Variants in RAB31 observed in about 807,000 individuals in gnomAD.
RAB31 encodes RAB31, member RAS oncogene family, also known as ras-related protein Rab-31.
A neutral mutation model predicts 25.6 loss-of-function variants in RAB31; 21 were observed. The ratio of observed to expected loss-of-function variants is 0.82; its 90% CI spans 0.58 to 1.18. The LOEUF (loss-of-function observed/expected upper bound fraction) is 1.18, where lower values mean the gene tolerates loss of function less well. RAB31 is among the 50% of genes most tolerant of loss of function. The pLI is 0.00. For synonymous variants in RAB31, 87 were observed against 84.0 expected (o/e 1.04, Z -0.20); for missense variants, 196 against 250.1 (o/e 0.78, Z 1.46).
At chr18:9,731,037 T>G (rs1267580312) in intron 1 of RAB31, among the ~76,000 whole-genome samples, 3 of 152,220 alleles carry the variant, frequency 2.0e-5, no homozygotes, top group Admixed American at 6.5e-5. Flanking sequence ...GGTGAGTGAA[T>G]GCTCTTTCTC....
chr18:9,750,921 C>T (rs1188598998), intron 1 of RAB31, among the ~76,000 whole-genome samples: 3 of 152,166 alleles, frequency 2.0e-5, no homozygotes, highest in African/African-American at 4.8e-5. Context: ...AGGGTCAAAA[C>T]GTGAACAGAC....
intron 1 of RAB31, among the ~76,000 whole-genome samples, chr18:9,719,894 T>G (rs2068065836): frequency 6.6e-6 from 1 of 152,056 alleles, no homozygotes; most frequent in Non-Finnish European, 1.5e-5. Flanking sequence ...CTTCCCGCCG[T>G]GCCACAGCAG....
rs913065230 is a variant in RAB31 at position 9,845,652 on chromosome 18, A to G, written c.451A>G (p.Lys151Glu). 3 of 1,567,538 alleles carry G rather than the reference A, an allele frequency of 1.9e-6. No homozygotes were observed. The highest frequency in any genetic ancestry group is 1.3e-5 in the African/African-American group (1 of 74,110). The change falls in exon 6 of 7, where the codon AAA becomes GAA. Residue 151 changes from lysine to glutamate, a missense_variant. By Grantham distance (56) the Lys-to-Glu change is moderately conservative. Coordinates refer to ENST00000578921, the MANE Select transcript of RAB31 (RefSeq NM_006868.4). ...TGCCATCGTGGTTGAGACAAGTGCA[A>G]AAAATGCTATTAATATCGAAGAGCT... Reference protein sequence around the residue: ...IGAIVVETSAKNAINIEELFQ... With the variant: ...IGAIVVETSAENAINIEELFQ...
chr18:9,716,045 G>A (rs1028000627), intron 1 of RAB31, among the ~76,000 whole-genome samples: 2 of 152,134 alleles, frequency 1.3e-5, no homozygotes, highest in Admixed American at 1.3e-4. Context: ...GATGTTTCCA[G>A]TTGCCCCCAA....
intron 3 of RAB31, among the ~76,000 whole-genome samples, chr18:9,808,453 G>A (rs1232666012): frequency 3.9e-5 from 6 of 152,164 alleles, no homozygotes; most frequent in Admixed American, 2.0e-4. Context: ...ATATTAACTA[G>A]GCCTCTGCTT....
intron 1 of RAB31, among the ~76,000 whole-genome samples, chr18:9,751,066 G>T (rs955587772): frequency 6.6e-6 from 1 of 151,874 alleles, no homozygotes; most frequent in Non-Finnish European, 1.5e-5. Flanking sequence ...ACAGAGTCTC[G>T]CATGGTCACC....
Position 9,814,091 on chromosome 18 carries a change from G to T in RAB31, c.273G>T (p.Gln91His). 1 of 1,566,284 alleles carries T rather than the reference G, an allele frequency of 6.4e-7. No homozygotes were observed. Among genetic ancestry groups the T allele is most frequent in the East Asian group, 2.3e-5 (1 of 44,178 alleles). ...AAVIVYDITK[Q>H]DSFYTLKKWV... ...TTATCGTGTATGATATTACCAAGCA[G>T]GTAAGAATGTCTCCTTCAGAATTTA... Residue 91 changes from glutamine (Q) to histidine (H), a missense_variant and splice_region_variant, in exon 4 of 7, where the codon CAG (glutamine) becomes CAT (histidine). Physicochemically the swap from Gln to His is conservative, Grantham distance 24 (BLOSUM62 0). Coordinates refer to ENST00000578921, the MANE Select transcript of RAB31 (RefSeq NM_006868.4).
At chr18:9,820,948 C>G (rs575146386) in intron 5 of RAB31, among the ~76,000 whole-genome samples, 1 of 151,956 alleles carries the variant, frequency 6.6e-6, no homozygotes, top group South Asian at 2.1e-4. Context: ...CTTTGTTCCT[C>G]TTTTTCTGGT....
chr18:9,792,935 T>C (rs1156744243), intron 3 of RAB31, among the ~76,000 whole-genome samples: 1 of 152,224 alleles, frequency 6.6e-6, no homozygotes, highest in Non-Finnish European at 1.5e-5. Flanking sequence ...TGACTTCTCT[T>C]TTACTCCTAA....
At chr18:9,859,018 T>C (rs1361130369) in intron 6 of RAB31, among the ~76,000 whole-genome samples, 2 of 151,764 alleles carry the variant, frequency 1.3e-5, no homozygotes, top group African/African-American at 2.4e-5. Context: ...CCTAAGCCCA[T>C]GAATTGGGCT....
intron 5 of RAB31, among the ~76,000 whole-genome samples, chr18:9,831,629 C>T (rs1462345835): frequency 6.6e-6 from 1 of 152,220 alleles, no homozygotes; most frequent in Non-Finnish European, 1.5e-5. Context: ...GTGGGCACGG[C>T]GCTGTGGCAT....
intron 1 of RAB31, among the ~76,000 whole-genome samples, chr18:9,759,139 A>C (rs563662507): frequency 1.3e-5 from 2 of 152,080 alleles, no homozygotes; most frequent in Non-Finnish European, 2.9e-5. Flanking sequence ...CGGCTCGGCT[A>C]TGTAGAGCGG....
intron 1 of RAB31, among the ~76,000 whole-genome samples, chr18:9,752,396 T>A (rs1304358621): frequency 6.6e-6 from 1 of 152,134 alleles, no homozygotes; most frequent in African/African-American, 2.4e-5. Flanking sequence ...GGCTAAGTTT[T>A]GTATTTTTAG....
At chr18:9,806,166 G>A (rs1323166255) in intron 3 of RAB31, among the ~76,000 whole-genome samples, 1 of 138,058 alleles carries the variant, frequency 7.2e-6, no homozygotes. Flanking sequence ...AACACAGAGA[G>A]ACTCCGTCTC....
rs1014721637 is a variant in RAB31, at chr18:9,759,412, C to T, written c.40-15866C>T. On this transcript the variant is annotated intron_variant, in intron 1 of 6. Transcript: ENST00000578921. ...TCTCAAACTCCTGGCTTCAAGTAAA[C>T]CTCCCACCTCAGCCTCCCGAAGTGT... Among the ~76,000 whole-genome samples the T allele has an allele frequency of 2.9e-4, 44 of 152,030 alleles. 2 individuals carry two copies. The Middle Eastern group carries it at 0.017, about 59-fold the overall frequency.
intron 3 of RAB31, among the ~76,000 whole-genome samples, chr18:9,805,707 G>C (rs2068536823): frequency 6.6e-6 from 1 of 152,300 alleles, no homozygotes; most frequent in African/African-American, 2.4e-5. Context: ...GCCACATACT[G>C]AGCGTTCAAA....
chr18:9,817,586 A>T (rs2284140), intron 5 of RAB31, among the ~76,000 whole-genome samples: 47,455 of 151,962 alleles, frequency 0.31, 8,647 homozygotes, highest in South Asian at 0.49. Flanking sequence ...ACGAGATGAT[A>T]TTTCCCAACA....
At chr18:9,769,952 A>G (rs116644248) in intron 1 of RAB31, among the ~76,000 whole-genome samples, 3,913 of 152,148 alleles carry the variant, frequency 0.026, 118 homozygotes, top group South Asian at 0.087. Context: ...CATGTCATGT[A>G]GTTTTTGTGA....
At chr18:9,752,724 A>G (rs2068241695) in intron 1 of RAB31, among the ~76,000 whole-genome samples, 1 of 152,264 alleles carries the variant, frequency 6.6e-6, no homozygotes, top group Non-Finnish European at 1.5e-5. Context: ...GTATAGTAGT[A>G]CAGGTACGCA....
Sources: allele counts gnomAD v4.1 joint callset (sites outside exome capture counted in the v4.1 genomes callset), GRCh38; gene constraint gnomAD v4.1.1; transcripts MANE v1.5; gene names NCBI Gene and HGNC (gene_info 2026-07-23, HGNC 2026-07-21).